FOXO1: variants seen among roughly 807,000 people sequenced by gnomAD.
FOXO1 encodes forkhead box protein O1.
A neutral mutation model predicts 44.1 loss-of-function variants in FOXO1; 6 were observed. The observed-to-expected ratio is 0.14, with a 90% CI of 0.07 to 0.27. FOXO1 has a LOEUF of 0.27. Among genes scored for constraint, FOXO1 ranks in the 10% least tolerant of loss-of-function variants. FOXO1 has a pLI of 1.00. For synonymous variants in FOXO1, 380 were observed against 362.7 expected (o/e 1.05, Z -0.54); for missense variants, 737 against 888.8 (o/e 0.83, Z 2.17).
Position 40,559,787 on chromosome 13 carries a change from G to T in FOXO1, c.1704C>A (p.His568Gln), listed in dbSNP as rs1425439963. 1.2e-6 allele frequency: 2 copies of T among 1,613,834 alleles called. No homozygotes were observed. Among genetic ancestry groups the T allele is most frequent in the East Asian group, 2.2e-5 (1 of 44,866 alleles). The change falls in exon 2 of 3, where the codon CAC becomes CAA. Residue 568 changes from histidine (H) to glutamine (Q), a missense_variant. Transcript: ENST00000379561. The part of the protein sequence containing the change: ...VKTPVQVPLP[H>Q]PMQMSALGGY... ...CCCCCAGGGCACTCATCTGCATGGG[G>T]TGGGGCAGAGGCACTTGTACAGGTG...
At chr13:40,646,296 T>C (rs932033021) in intron 1 of FOXO1, among the ~76,000 whole-genome samples, 1 of 150,546 alleles carries the variant, frequency 6.6e-6, no homozygotes, top group East Asian at 1.9e-4. Context: ...TGTGACCTTT[T>C]TTTTTTTTTT....
intron 1 of FOXO1, among the ~76,000 whole-genome samples, chr13:40,572,800 G>C (rs1874587438): frequency 6.6e-6 from 1 of 152,164 alleles, no homozygotes; most frequent in Admixed American, 6.5e-5. Context: ...ATCCACCTGA[G>C]GAGGCAGAGC....
At chr13:40,572,162 C>CT (rs1207873302) in intron 1 of FOXO1, among the ~76,000 whole-genome samples, 1 of 152,194 alleles carries the variant, frequency 6.6e-6, no homozygotes, top group Admixed American at 6.5e-5. Context: ...AACACTGAAA[C>CT]TTTGACAGAT....
At chr13:40,569,821 T>G (rs1260609169) in intron 1 of FOXO1, among the ~76,000 whole-genome samples, 1 of 152,114 alleles carries the variant, frequency 6.6e-6, no homozygotes, top group Non-Finnish European at 1.5e-5. Context: ...ATGCTGCCCA[T>G]GCTGGTCTCC....
intron 1 of FOXO1, among the ~76,000 whole-genome samples, chr13:40,651,255 CTTTTTATAAAAAG>C (rs1877678721): frequency 6.6e-6 from 1 of 152,010 alleles, no homozygotes; most frequent in Non-Finnish European, 1.5e-5. Flanking sequence ...ACTCTGCTTC[CTTTTTATAAAAAG>C]TACGTTCTAG....
chr13:40,613,741 C>T (rs1006665500), intron 1 of FOXO1, among the ~76,000 whole-genome samples: 1 of 152,186 alleles, frequency 6.6e-6, no homozygotes, highest in Non-Finnish European at 1.5e-5. Flanking sequence ...CAAACACAAG[C>T]GTGAGCCACA....
At chr13:40,589,817 G>A (rs1875301702) in intron 1 of FOXO1, among the ~76,000 whole-genome samples, 1 of 152,178 alleles carries the variant, frequency 6.6e-6, no homozygotes. Flanking sequence ...AGCTGTCCTG[G>A]ACTGTCCTGA....
intron 1 of FOXO1, among the ~76,000 whole-genome samples, chr13:40,594,935 C>T (rs1049627038): frequency 1.3e-5 from 2 of 152,322 alleles, no homozygotes; most frequent in African/African-American, 4.8e-5. Context: ...GACCCTCCTA[C>T]TTTGACCTCC....
chr13:40,586,087 T>C (rs568797480), intron 1 of FOXO1, among the ~76,000 whole-genome samples: 1 of 152,300 alleles, frequency 6.6e-6, no homozygotes, highest in East Asian at 1.9e-4. Context: ...CTTGAAAGAA[T>C]GTGGGAAAGC....
At chr13:40,619,965 C>A in intron 1 of FOXO1, 1 of 681,782 alleles carries the variant, frequency 1.5e-6, no homozygotes, top group Non-Finnish European at 2.7e-6. Context: ...CTATAAGTAG[C>A]CGAAGCTGTT....
At chr13:40,598,947 C>A (rs1286251796) in intron 1 of FOXO1, among the ~76,000 whole-genome samples, 1 of 152,190 alleles carries the variant, frequency 6.6e-6, no homozygotes, top group African/African-American at 2.4e-5. Flanking sequence ...GGATGCTTCT[C>A]TGGTAACTAG....
chr13:40,603,705 T>C (rs970087860), intron 1 of FOXO1, among the ~76,000 whole-genome samples: 3 of 152,218 alleles, frequency 2.0e-5, no homozygotes, highest in Non-Finnish European at 2.9e-5. Flanking sequence ...TCTTCATGGT[T>C]TCCCCTAATC....
chr13:40,611,845 A>G (rs527866863), intron 1 of FOXO1, among the ~76,000 whole-genome samples: 3 of 152,178 alleles, frequency 2.0e-5, no homozygotes, highest in Non-Finnish European at 4.4e-5. Flanking sequence ...GGCCAAGTTG[A>G]GTGGATCACT....
At chr13:40,608,913 A>G (rs3908774) in intron 1 of FOXO1, among the ~76,000 whole-genome samples, 150,392 of 152,316 alleles carry the variant, frequency 0.99, 74,281 homozygotes, top group Middle Eastern at 1. Flanking sequence ...TCCTAGAGAT[A>G]GGTGGGAAGG....
At chr13:40,604,703 T>G (rs1593396476) in intron 1 of FOXO1, among the ~76,000 whole-genome samples, 1 of 152,236 alleles carries the variant, frequency 6.6e-6, no homozygotes, top group African/African-American at 2.4e-5. Context: ...AACTCTATAT[T>G]TTTTTACCTA....
At chr13:40,578,406 A>C (rs1445674689) in intron 1 of FOXO1, among the ~76,000 whole-genome samples, 1 of 152,162 alleles carries the variant, frequency 6.6e-6, no homozygotes, top group East Asian at 1.9e-4. Context: ...TCCTGGAGGC[A>C]TGGTGCTTAT....
chr13:40,605,106 T>C (rs1480502537), intron 1 of FOXO1, among the ~76,000 whole-genome samples: 2 of 151,732 alleles, frequency 1.3e-5, no homozygotes, highest in East Asian at 1.9e-4. Flanking sequence ...TGTTGATATA[T>C]ATAAAATACA....
intron 1 of FOXO1, among the ~76,000 whole-genome samples, chr13:40,578,407 T>C (rs909030141): frequency 1.3e-5 from 2 of 152,196 alleles, no homozygotes; most frequent in Non-Finnish European, 2.9e-5. Context: ...CCTGGAGGCA[T>C]GGTGCTTATA....
Position 40,560,012 on chromosome 13 carries a change from G to C in FOXO1, c.1479C>G (p.Gly493=). ...AATTAGGGCCCATCATGACGTTCTG[G>C]CCCAGAACCCGGCTGTTGGGCTGGG... is the stretch of plus-strand genomic sequence containing the variant. ...GVAQPNSRVL[G]QNVMMGPNSV... is the part of the protein sequence containing the mutation. The change falls in exon 2 of 3, where the codon GGC becomes GGG. Residue 493 remains glycine (G), a synonymous_variant. Transcript: ENST00000379561. The surrounding 1 kb of genome is among the most constrained non-coding windows in gnomAD (Gnocchi z 5.1). 6.2e-7 allele frequency: 1 copy of C among 1,614,130 alleles called. No individual in the cohort carries two copies. The highest frequency in any genetic ancestry group is 8.5e-7 in the Non-Finnish European group (1 of 1,180,036).
Sources: gnomAD v4.1 joint callset for allele counts (sites outside exome capture counted in the v4.1 genomes callset) on GRCh38, gnomAD v4.1.1 for gene constraint, Gnocchi (gnomAD v3.1) non-coding constraint, MANE v1.5 for transcripts, NCBI Gene and HGNC (gene_info 2026-07-23, HGNC 2026-07-21) for gene names.